SPOP: variants seen among roughly 807,000 people sequenced by gnomAD.
SPOP encodes speckle type BTB/POZ protein.
In SPOP, 11 loss-of-function variants were observed where a neutral mutation model predicts 45.6. The ratio of observed to expected loss-of-function variants is 0.24; its 90% confidence interval spans 0.15 to 0.40. The LOEUF is 0.40. Ranked by LOEUF, SPOP falls within the 10% of genes least tolerant of loss-of-function variation. The pLI is 1.00. For synonymous variants in SPOP, 166 were observed against 166.3 expected (o/e 1.00, Z 0.01); for missense variants, 152 against 465.6 (o/e 0.33, Z 6.20).
intron 5 of SPOP, among the ~76,000 whole-genome samples, chr17:49,615,480 C>T (rs2072065695): frequency 6.6e-6 from 1 of 151,518 alleles, no homozygotes; most frequent in African/African-American, 2.4e-5. Flanking sequence ...TTAAACATGC[C>T]TTCATGTCTC....
intron 1 of SPOP, among the ~76,000 whole-genome samples, chr17:49,639,357 T>G (rs1002938556): frequency 1.4e-4 from 22 of 152,136 alleles, no homozygotes; most frequent in African/African-American, 5.1e-4. Flanking sequence ...GGAAAATAGT[T>G]TATTATTATC....
intron 5 of SPOP, chr17:49,618,690 C>A (rs552263904): frequency 2.1e-6 from 1 of 468,000 alleles, no homozygotes; most frequent in African/African-American, 2.0e-5. Context: ...CAAATGCTAT[C>A]TGAAAAAAAT....
rs1005452858 is a variant in SPOP, at chr17:49,599,875, A to G, written c.*503T>C. ...TTTTCACAAATATCCAAGTTTTAGC[A>G]CAGTTAGAAGGACTAAAATTTGTTT... On this transcript the variant is annotated 3_prime_UTR_variant, in exon 10 of 10. Transcript: ENST00000504102. The G allele has an allele frequency of 2.4e-4, 53 of 222,068 alleles. No homozygotes were observed. Among genetic ancestry groups the G allele is most frequent in the Middle Eastern group, 2.8e-3 (2 of 722 alleles). 13.8% of individuals were successfully genotyped at this position (222,068 alleles called of 1,614,324 possible).
chr17:49,604,314 T>A (rs777567032), intron 8 of SPOP, among the ~76,000 whole-genome samples: 1 of 152,240 alleles, frequency 6.6e-6, no homozygotes. Context: ...CATTGCTTCA[T>A]TGTACTCATA....
At chr17:49,657,501 C>A (rs1457147308) in intron 1 of SPOP, among the ~76,000 whole-genome samples, 1 of 150,776 alleles carries the variant, frequency 6.6e-6, no homozygotes, top group East Asian at 2.0e-4. Context: ...TGGGTTCTAA[C>A]GATTCTCCTG....
In SPOP at chr17:49,622,786, G is replaced by C; in HGVS notation, c.25C>G (p.Pro9Ala). 2 of 1,614,152 alleles carry C rather than the reference G, an allele frequency of 1.2e-6. No homozygotes were observed. Among genetic ancestry groups the C allele is most frequent in the Non-Finnish European group, 1.7e-6 (2 of 1,180,002 alleles). ...GGGCCACTCGACATTTCTGCCGGAG[G>C]TGGAGGACTTGGAACCCTTGACATC... is the stretch of plus-strand genomic sequence containing the variant. MSRVPSPP[P>A]PAEMSSGPVA... Residue 9 changes from proline to alanine, a missense_variant, in exon 2 of 10, where the codon CCT (proline) becomes GCT (alanine). Around this residue, in one of 3 missense-constraint regions of SPOP, gnomAD observed 18 missense variants for 33.6 expected, o/e 0.54. Transcript: ENST00000504102.
intron 1 of SPOP, among the ~76,000 whole-genome samples, chr17:49,623,787 T>G (rs1248961336): frequency 6.6e-6 from 1 of 152,182 alleles, no homozygotes; most frequent in Non-Finnish European, 1.5e-5. Flanking sequence ...TTTGTGATCA[T>G]TCCTCAGTCT....
intron 1 of SPOP, among the ~76,000 whole-genome samples, chr17:49,631,788 G>T (rs146599102): frequency 7.2e-4 from 109 of 152,218 alleles, no homozygotes; most frequent in Middle Eastern, 6.8e-3. Flanking sequence ...CTTCCCTCAG[G>T]TCTTTTTATA....
chr17:49,675,119 C>G (rs1357809214), intron 1 of SPOP, among the ~76,000 whole-genome samples: 1 of 152,184 alleles, frequency 6.6e-6, no homozygotes, highest in Non-Finnish European at 1.5e-5. Flanking sequence ...ATTACAAATG[C>G]ACATCCATTG....
At chr17:49,627,704 A>C (rs1809668347) in intron 1 of SPOP, among the ~76,000 whole-genome samples, 2 of 152,206 alleles carry the variant, frequency 1.3e-5, no homozygotes, top group Admixed American at 1.3e-4. Context: ...AATTGTTGTT[A>C]CTCATCCTTG....
At chr17:49,624,331 G>GCA (rs58009760) in intron 1 of SPOP, among the ~76,000 whole-genome samples, 11,205 of 149,176 alleles carry the variant, frequency 0.075, 433 homozygotes, top group Middle Eastern at 0.15. Context: ...GCGCGCGCGC[G>GCA]CACACACACA....
chr17:49,627,929 A>G (rs1400969477), intron 1 of SPOP, among the ~76,000 whole-genome samples: 1 of 152,228 alleles, frequency 6.6e-6, no homozygotes, highest in Non-Finnish European at 1.5e-5. Context: ...ATTGACTAGG[A>G]CAGCACAAGT....
At chr17:49,647,628 G>T (rs1042259901) in intron 1 of SPOP, among the ~76,000 whole-genome samples, 1 of 151,958 alleles carries the variant, frequency 6.6e-6, no homozygotes, top group East Asian at 1.9e-4. Context: ...TTACAGGGGT[G>T]TGCCACCATG....
In SPOP at chr17:49,618,987, G is replaced by A. The variant is rs368288966; in HGVS notation, c.474C>T (p.Phe158=). The part of the protein sequence containing the change: ...GLLPDDKLTL[F]CEVSVVQDSV... ...GCAGAATACAAGGACTCACCTCGCA[G>A]AAGAGGGTAAGCTTGTCATCAGGGA... is the stretch of plus-strand genomic sequence containing the variant. The change falls in exon 5 of 10, where the codon TTC becomes TTT. Residue 158 remains phenylalanine, a synonymous_variant. Transcript: ENST00000504102. 1 of 1,613,200 alleles carries A rather than the reference G, an allele frequency of 6.2e-7. No individual in the cohort carries two copies. Among genetic ancestry groups the A allele is most frequent in the African/African-American group, 1.3e-5 (1 of 74,884 alleles).
At chr17:49,614,675 A>T (rs2072043963) in intron 5 of SPOP, among the ~76,000 whole-genome samples, 1 of 152,100 alleles carries the variant, frequency 6.6e-6, no homozygotes, top group Admixed American at 6.6e-5. Flanking sequence ...AGAACAAGCA[A>T]ATATTGGTAT....
At chr17:49,626,329 C>T (rs2072330492) in intron 1 of SPOP, among the ~76,000 whole-genome samples, 2 of 152,052 alleles carry the variant, frequency 1.3e-5, no homozygotes, top group South Asian at 4.1e-4. Flanking sequence ...CTATAATTCT[C>T]TCAACTTTTA....
At chr17:49,623,003 T>C (rs1228581483) in intron 1 of SPOP, 127 bp from the exon 2 acceptor site, 18 of 532,756 alleles carry the variant, frequency 3.4e-5, no homozygotes, top group Admixed American at 2.1e-4. Flanking sequence ...ACCACTGAGG[T>C]CCTAAAATTT....
At chr17:49,672,504 A>C (rs1457289658) in intron 1 of SPOP, among the ~76,000 whole-genome samples, 3 of 152,260 alleles carry the variant, frequency 2.0e-5, no homozygotes, top group Admixed American at 6.5e-5. Flanking sequence ...GCAAAGAAAC[A>C]CGTACAAAGT....
At chr17:49,630,006 TGGGAACAG>T (rs2143362183) in intron 1 of SPOP, among the ~76,000 whole-genome samples, 1 of 152,312 alleles carries the variant, frequency 6.6e-6, no homozygotes, top group East Asian at 1.9e-4. Context: ...GCTAGATGGC[TGGGAACAG>T]ACCAGAGAAT....
Sources: gnomAD v4.1 joint callset for allele counts (sites outside exome capture counted in the v4.1 genomes callset) on GRCh38, gnomAD v4.1.1 for gene constraint, gnomAD v4.1.1 regional missense constraint, MANE v1.5 for transcripts, NCBI Gene and HGNC (gene_info 2026-07-23, HGNC 2026-07-21) for gene names.